The following ARHGAP32 variants were observed in gnomAD, a reference collection of about 807,000 sequenced individuals.
ARHGAP32 encodes the protein rho GTPase-activating protein 32.
ARHGAP32 carries 51 observed loss-of-function variants against 186.5 expected under a neutral mutation model. The ratio of observed to expected loss-of-function variants is 0.27; its 90% CI spans 0.22 to 0.35. ARHGAP32 has a LOEUF of 0.35. Among genes scored for constraint, ARHGAP32 ranks in the 10% least tolerant of loss-of-function variants. ARHGAP32 has a pLI of 1.00. For missense variants in ARHGAP32, 2,186 were observed against 2,623.5 expected (o/e 0.83, Z 3.64); for synonymous variants, 950 against 964.3 (o/e 0.99, Z 0.27).
chr11:129,222,200 T>A (rs1944721291), intron 1 of ARHGAP32, among the ~76,000 whole-genome samples: 2 of 152,136 alleles, frequency 1.3e-5, no homozygotes, highest in South Asian at 2.1e-4. Flanking sequence ...AGAAGAAACG[T>A]GACAAGTGAA....
chr11:129,083,382 T>C (rs1010924550), intron 6 of ARHGAP32, among the ~76,000 whole-genome samples: 2 of 152,192 alleles, frequency 1.3e-5, no homozygotes, highest in Non-Finnish European at 2.9e-5. Context: ...CATGCAATAC[T>C]ACTCAGCCAT....
intron 1 of ARHGAP32, among the ~76,000 whole-genome samples, chr11:129,178,959 A>C (rs544488573): frequency 3.1e-4 from 47 of 152,220 alleles, no homozygotes; most frequent in African/African-American, 1.1e-3. Flanking sequence ...TAATTAAACT[A>C]AAGAGCTTCT....
At chr11:129,144,670 A>G (rs1943131992) in intron 2 of ARHGAP32, among the ~76,000 whole-genome samples, 1 of 152,214 alleles carries the variant, frequency 6.6e-6, no homozygotes, top group South Asian at 2.1e-4. Context: ...AGAAATAGCC[A>G]TCAAATAAGC....
chr11:129,145,101 C>T (rs546802333), intron 2 of ARHGAP32, among the ~76,000 whole-genome samples: 9 of 152,056 alleles, frequency 5.9e-5, no homozygotes, highest in South Asian at 2.1e-4. Flanking sequence ...TCAGAAGGCT[C>T]GCTAAAAATA....
chr11:128,993,906 G>C (rs1264024993), intron 12 of ARHGAP32, among the ~76,000 whole-genome samples: 1 of 151,544 alleles, frequency 6.6e-6, no homozygotes, highest in Non-Finnish European at 1.5e-5. Context: ...AAAAATCAAT[G>C]ACAAAAAATC....
chr11:129,069,925 C>CT (rs1184586334), intron 6 of ARHGAP32, among the ~76,000 whole-genome samples: 1 of 151,802 alleles, frequency 6.6e-6, no homozygotes, highest in Non-Finnish European at 1.5e-5. Flanking sequence ...GCTTCTAATC[C>CT]TTTTTCAGCC....
chr11:129,198,045 C>T (rs911554281), intron 1 of ARHGAP32, among the ~76,000 whole-genome samples: 1 of 152,110 alleles, frequency 6.6e-6, no homozygotes, highest in Non-Finnish European at 1.5e-5. Context: ...TTAAACATAA[C>T]AGAAAAGGTC....
chr11:129,126,209 T>G (rs1465523605), intron 2 of ARHGAP32, among the ~76,000 whole-genome samples: 2 of 152,182 alleles, frequency 1.3e-5, no homozygotes, highest in Admixed American at 6.5e-5. Flanking sequence ...GCGGTAAATA[T>G]TTTAGGTTTG....
intron 11 of ARHGAP32, among the ~76,000 whole-genome samples, chr11:129,038,749 C>T (rs1360106358): frequency 6.7e-6 from 1 of 150,270 alleles, no homozygotes; most frequent in Non-Finnish European, 1.5e-5. Flanking sequence ...TAGCTGGGCA[C>T]AGCGGCATGC....
chr11:129,047,994 C>A (rs1939884220), intron 10 of ARHGAP32, among the ~76,000 whole-genome samples: 1 of 152,200 alleles, frequency 6.6e-6, no homozygotes, highest in African/African-American at 2.4e-5. Context: ...CAGGTCCTTA[C>A]TTTTTAGCTC....
chr11:129,230,795 T>C (rs1311021158), intron 1 of ARHGAP32, among the ~76,000 whole-genome samples: 1 of 151,986 alleles, frequency 6.6e-6, no homozygotes. Flanking sequence ...AATATAAAAA[T>C]CCATAAAAAA....
rs191498502 is a variant in ARHGAP32 at position 128,974,909 on chromosome 11, T to C, written c.2288A>G (p.Asn763Ser). 6.2e-7 allele frequency: 1 copy of C among 1,614,102 alleles called. No homozygotes were observed. The highest frequency in any genetic ancestry group is 2.2e-5 in the East Asian group (1 of 44,882). Residue 763 changes from asparagine to serine, a missense_variant, in exon 21 of 23, where the codon AAC becomes AGC. Physicochemically the swap from Asn to Ser is conservative, Grantham distance 46 (BLOSUM62 1). Transcript: ENST00000682385. ...GTCATGAGGCAGATTATCATAGGAG[T>C]TACAGCGGTTCCCCAGCATTTCTCC... is the stretch of plus-strand genomic sequence containing the variant. ...FNGEMLGNRCNSYDNLPHDNE... is the reference protein window; with the variant it reads ...FNGEMLGNRCSSYDNLPHDNE...
In ARHGAP32 at chr11:129,222,993, C is replaced by T. The variant is rs1168660651; in HGVS notation, c.-5+56153G>A. On this transcript the variant is annotated intron_variant, in intron 1 of 6. Coordinates refer to the ARHGAP32 transcript ENST00000525234. ...TATATTGTTTTAAATTTCTTAGTAG[C>T]TACTTTAATAAAACTTTTTTAAAAG... Among the ~76,000 whole-genome samples the T allele has an allele frequency of 2.0e-5, 3 of 152,096 alleles. No homozygotes were observed. The East Asian group carries it at 5.8e-4, about 29-fold the overall frequency.
intron 10 of ARHGAP32, 65 bp downstream of exon 10, chr11:129,062,215 A>G (rs1940528361): frequency 7.2e-7 from 1 of 1,396,916 alleles, no homozygotes; most frequent in Non-Finnish European, 1.0e-6. Flanking sequence ...TGTAAACAAA[A>G]GTATTACTGA....
At position 129,058,232 on chromosome 11, in the gene ARHGAP32, C is replaced by CTA. The variant is rs1311897092; in HGVS notation, c.963+4047_963+4048insTA. On this transcript the variant is annotated intron_variant, in intron 10 of 22. Transcript: ENST00000682385. ...ACACACACACACACACTCTCTCTCT[C>CTA]TCTCTCTATATATATATATATCTCA... is the stretch of plus-strand genomic sequence containing the variant. 2.3e-4 allele frequency among the ~76,000 whole-genome samples: 32 copies of CTA among 137,076 alleles called. No homozygotes were observed. In the East Asian group the frequency reaches 3.2e-3, roughly 14 times the overall value. The allele number at this position is 137,076 out of a possible 152,430, so 89.9% of individuals were successfully genotyped here.
intron 1 of ARHGAP32, among the ~76,000 whole-genome samples, chr11:129,232,023 CAAAAAAAAAAAAAA>C (rs71057935): frequency 9.3e-5 from 6 of 64,554 alleles, no homozygotes; most frequent in Admixed American, 2.4e-4. Flanking sequence ...GAGACGGACT[CAAAAAAAAAAAAAA>C]AAAAAAAAAA....
intron 10 of ARHGAP32, among the ~76,000 whole-genome samples, chr11:129,053,461 A>G (rs769116051): frequency 1.3e-5 from 2 of 152,156 alleles, no homozygotes; most frequent in Non-Finnish European, 2.9e-5. Flanking sequence ...ATGGTCCACT[A>G]TCATCATCCA....
chr11:129,261,556 C>T (rs886700160), intron 1 of ARHGAP32, among the ~76,000 whole-genome samples: 1 of 152,168 alleles, frequency 6.6e-6, no homozygotes, highest in African/African-American at 2.4e-5. Flanking sequence ...TGTGTGCAAG[C>T]CTGGCCCCCA....
Position 129,088,906 on chromosome 11 carries a change from G to C in ARHGAP32, c.531+4715C>G, listed in dbSNP as rs376972436. ...GTACGAAATTAGCCAGGTGAGGCAG[G>C]AGGATCACTTGAGCCTGGGAGGTCG... On this transcript the variant is annotated intron_variant, in intron 6 of 22. Coordinates refer to ENST00000682385, the MANE Select transcript of ARHGAP32 (RefSeq NM_001378024.1). 3.2e-3 allele frequency among the ~76,000 whole-genome samples: 482 copies of C among 149,934 alleles called. 2 individuals carry two copies. Among genetic ancestry groups the C allele is most frequent in the African/African-American group, 0.011 (433 of 40,662 alleles).
Sources: allele counts gnomAD v4.1 joint callset (sites outside exome capture counted in the v4.1 genomes callset), GRCh38; gene constraint gnomAD v4.1.1; transcripts MANE v1.5; gene names NCBI Gene and HGNC (gene_info 2026-07-23, HGNC 2026-07-21).